PLXNA2: variants seen among roughly 807,000 people sequenced by gnomAD.
PLXNA2 encodes the protein plexin-A2.
PLXNA2 carries 91 observed loss-of-function variants against 193.5 expected under a neutral mutation model. That is an observed-to-expected ratio of 0.47 (90% CI 0.40 to 0.56). PLXNA2 has a LOEUF of 0.56. PLXNA2 is among the 20% of genes least tolerant of loss of function. The pLI, the probability that PLXNA2 is intolerant of heterozygous loss-of-function variation, is 0.00. For synonymous variants in PLXNA2, 997 were observed against 1,027.3 expected (o/e 0.97, Z 0.56); for missense variants, 1,995 against 2,503.2 (o/e 0.80, Z 4.33).
chr1:208,175,080 G>A (rs1234878777), intron 3 of PLXNA2, among the ~76,000 whole-genome samples: 1 of 152,156 alleles, frequency 6.6e-6, no homozygotes, highest in Non-Finnish European at 1.5e-5. Flanking sequence ...GTACCCCTTA[G>A]AAAACAGAAC....
intron 3 of PLXNA2, among the ~76,000 whole-genome samples, chr1:208,171,868 T>C (rs926205979): frequency 8.6e-5 from 13 of 151,836 alleles, no homozygotes; most frequent in African/African-American, 3.1e-4. Context: ...GGAAGTTTTT[T>C]TTAAGATGAT....
chr1:208,059,213 G>A (rs1321014586), intron 13 of PLXNA2, among the ~76,000 whole-genome samples: 2 of 152,208 alleles, frequency 1.3e-5, no homozygotes, highest in Non-Finnish European at 2.9e-5. Flanking sequence ...TGGGTGCCCT[G>A]GCTCCTGCCA....
In PLXNA2 at chr1:208,243,918, G is replaced by A. The variant is rs1672146564; in HGVS notation, c.-356C>T. ...GCTGGGCGCTGTCGCCGGCTCTCAGGGGGCACCCGGAGGCGCCGAGGGGGC... is the reference window on the plus strand; with the variant it reads ...GCTGGGCGCTGTCGCCGGCTCTCAGAGGGCACCCGGAGGCGCCGAGGGGGC... On this transcript the variant is annotated 5_prime_UTR_variant, in exon 1 of 32. Transcript: ENST00000367033. 2 of 152,274 alleles carry A rather than the reference G, an allele frequency of 1.3e-5. No individual in the cohort carries two copies. The highest frequency in any genetic ancestry group is 1.3e-4 in the Admixed American group (2 of 15,288). The allele number at this position is 152,274 out of a possible 1,614,324, so 9.4% of individuals were successfully genotyped here. A position where few individuals can be genotyped will look rare whatever the true frequency, so the allele number is the denominator to read the frequency against.
chr1:208,099,872 G>C (rs868195937), intron 5 of PLXNA2, among the ~76,000 whole-genome samples: 1 of 151,946 alleles, frequency 6.6e-6, no homozygotes, highest in Non-Finnish European at 1.5e-5. Flanking sequence ...CCTGGCCCTA[G>C]AATGACTCTT....
In PLXNA2 at chr1:208,023,134, C is replaced by G. The variant is rs947337991; in HGVS notation, c.*4109G>C. On this transcript the variant is annotated 3_prime_UTR_variant, in exon 32 of 32. Coordinates refer to ENST00000367033, the MANE Select transcript of PLXNA2 (RefSeq NM_025179.4). ...GCCCTGAAGTTCATCTCCCAAGTTC[C>G]CCGTCGATCTGCTCCCACAGCCCTG... The G allele has an allele frequency of 2.6e-5, 4 of 152,176 alleles. No individual in the cohort carries two copies. Among genetic ancestry groups the G allele is most frequent in the African/African-American group, 4.8e-5 (2 of 41,432 alleles). 9.4% of individuals were successfully genotyped at this position (152,176 alleles called of 1,614,324 possible).
rs1416811981 is a variant in PLXNA2, at chr1:208,236,401, C to A, written c.-81+7242G>T. Among the ~76,000 whole-genome samples the A allele has an allele frequency of 6.6e-6, 1 of 152,140 alleles. No individual in the cohort carries two copies. Among genetic ancestry groups the A allele is most frequent in the African/African-American group, 2.4e-5 (1 of 41,394 alleles). On this transcript the variant is annotated intron_variant, in intron 1 of 31. Transcript: ENST00000367033. This position sits in a 1 kb window ranked among gnomAD's most constrained non-coding sequence, Gnocchi z 4.4. The stretch of plus-strand genomic sequence containing the variant: ...AACCACTTCAAAGCAGCAACATCCC[C>A]TCTTGCCACTTCTGTCTGCCCGCTG...
At chr1:208,093,293 G>A (rs1015951262) in intron 8 of PLXNA2, among the ~76,000 whole-genome samples, 4 of 152,180 alleles carry the variant, frequency 2.6e-5, no homozygotes, top group Non-Finnish European at 5.9e-5. Flanking sequence ...CTGAATGCTG[G>A]TAGCTAAACA....
chr1:208,045,758 C>T, intron 18 of PLXNA2, 120 bp downstream of exon 18: 1 of 1,277,580 alleles, frequency 7.8e-7, no homozygotes, highest in South Asian at 1.4e-5. Flanking sequence ...AAGGAGACAG[C>T]TTTGCAAGTT....
chr1:208,144,010 A>ATCC (rs1316084715), intron 3 of PLXNA2, among the ~76,000 whole-genome samples: 1 of 152,218 alleles, frequency 6.6e-6, no homozygotes, highest in Non-Finnish European at 1.5e-5. Context: ...CTGACAGCAT[A>ATCC]TCCTAGACTC....
intron 12 of PLXNA2, among the ~76,000 whole-genome samples, chr1:208,072,895 G>A (rs538730004): frequency 6.6e-6 from 1 of 152,186 alleles, no homozygotes; most frequent in Non-Finnish European, 1.5e-5. Context: ...TTCTGATCCT[G>A]CACGCAGAGA....
intron 3 of PLXNA2, among the ~76,000 whole-genome samples, chr1:208,151,508 T>G (rs1204189668): frequency 6.6e-6 from 1 of 152,154 alleles, no homozygotes; most frequent in African/African-American, 2.4e-5. Context: ...ACAGGTTAAC[T>G]ACCTTGGAAA....
intron 3 of PLXNA2, among the ~76,000 whole-genome samples, chr1:208,199,786 G>A (rs565039654): frequency 6.6e-6 from 1 of 152,170 alleles, no homozygotes; most frequent in East Asian, 1.9e-4. Context: ...GCCTCCGTGG[G>A]TAAGAACCTG....
At chr1:208,145,821 A>C (rs957126590) in intron 3 of PLXNA2, among the ~76,000 whole-genome samples, 6 of 152,234 alleles carry the variant, frequency 3.9e-5, no homozygotes, top group African/African-American at 1.4e-4. Flanking sequence ...TCAAACCTAC[A>C]TAAGTCTCAA....
intron 3 of PLXNA2, among the ~76,000 whole-genome samples, chr1:208,183,605 A>AGG (rs1490172916): frequency 1.1e-5 from 1 of 91,752 alleles, no homozygotes; most frequent in African/African-American, 4.8e-5. Context: ...CCAGAGAGGG[A>AGG]GAGGGGGGGG....
chr1:208,109,422 G>A (rs554047068), intron 4 of PLXNA2, among the ~76,000 whole-genome samples: 207 of 152,298 alleles, frequency 1.4e-3, no homozygotes, highest in Non-Finnish European at 2.5e-3. Context: ...TACACACACA[G>A]CTGATGGTGG....
At chr1:208,163,366 AG>A (rs1420580412) in intron 3 of PLXNA2, among the ~76,000 whole-genome samples, 1 of 152,216 alleles carries the variant, frequency 6.6e-6, no homozygotes, top group Non-Finnish European at 1.5e-5. Flanking sequence ...AGATAATAAA[AG>A]TCTCAGCCTG....
intron 12 of PLXNA2, among the ~76,000 whole-genome samples, chr1:208,073,866 G>A (rs1177277557): frequency 6.6e-6 from 1 of 152,146 alleles, no homozygotes; most frequent in Non-Finnish European, 1.5e-5. Context: ...CCAAGGAACA[G>A]CAAAGATTCC....
chr1:208,162,311 G>C (rs1669156239), intron 3 of PLXNA2, among the ~76,000 whole-genome samples: 1 of 152,214 alleles, frequency 6.6e-6, no homozygotes, highest in South Asian at 2.1e-4. Flanking sequence ...CAAAGAGGAG[G>C]TAGAAATAGC....
intron 3 of PLXNA2, among the ~76,000 whole-genome samples, chr1:208,184,798 A>C (rs956877803): frequency 6.6e-6 from 1 of 152,184 alleles, no homozygotes; most frequent in Non-Finnish European, 1.5e-5. Context: ...ATTTCTGGAA[A>C]GAATCTTTAG....
Sources: gnomAD v4.1 joint callset for allele counts (sites outside exome capture counted in the v4.1 genomes callset) on GRCh38, gnomAD v4.1.1 for gene constraint, Gnocchi (gnomAD v3.1) non-coding constraint, MANE v1.5 for transcripts, NCBI Gene and HGNC (gene_info 2026-07-23, HGNC 2026-07-21) for gene names.